KAZN: variants seen among roughly 807,000 people sequenced by gnomAD.
The protein encoded by KAZN is kazrin, periplakin interacting protein.
In KAZN, 40 loss-of-function variants were observed where a neutral mutation model predicts 87.4. The observed-to-expected ratio is 0.46, with a 90% CI of 0.36 to 0.60. KAZN has a LOEUF of 0.60. Ranked by LOEUF, KAZN falls within the 20% of genes least tolerant of loss-of-function variation. KAZN has a pLI of 0.00. For synonymous variants in KAZN, 466 were observed against 458.3 expected (o/e 1.02, Z -0.22); for missense variants, 898 against 1,073.9 (o/e 0.84, Z 2.29).
intron 1 of KAZN, among the ~76,000 whole-genome samples, chr1:14,174,827 A>T (rs1646033897): frequency 1.3e-5 from 2 of 152,170 alleles, no homozygotes; most frequent in African/African-American, 4.8e-5. Context: ...TGCTTTATAC[A>T]ATCTGTCTCT....
chr1:13,897,144 C>G (rs535837162), intron 1 of KAZN, among the ~76,000 whole-genome samples: 2 of 152,234 alleles, frequency 1.3e-5, no homozygotes, highest in East Asian at 3.9e-4. Flanking sequence ...TATTGGCACA[C>G]AGCCATGCCC....
chr1:14,099,930 C>A (rs1244196272), intron 1 of KAZN, among the ~76,000 whole-genome samples: 1 of 152,172 alleles, frequency 6.6e-6, no homozygotes, highest in Non-Finnish European at 1.5e-5. Flanking sequence ...TCTTACCTTT[C>A]TCCTTCCCTC....
intron 2 of KAZN, among the ~76,000 whole-genome samples, chr1:14,499,492 GGCGCCAGGATTGT>G (rs1480793710): frequency 6.6e-6 from 1 of 152,158 alleles, no homozygotes; most frequent in Non-Finnish European, 1.5e-5. Flanking sequence ...GCTGGCTGTG[GGCGCCAGGATTGT>G]GCAAAAGGGA....
rs567504844 is a variant in KAZN at position 14,182,961 on chromosome 1, C to A, written c.249+2369C>A. On this transcript the variant is annotated intron_variant, in intron 2 of 16. Coordinates refer to the KAZN transcript ENST00000636203. ...GCCTTTCAAGGGTAGTAACCACATCCTTGAACTTGGTTGGTATAATAGCCC... is the reference window on the plus strand; with the variant it reads ...GCCTTTCAAGGGTAGTAACCACATCATTGAACTTGGTTGGTATAATAGCCC... Among the ~76,000 whole-genome samples, 6 of 152,204 alleles carry A rather than the reference C, an allele frequency of 3.9e-5. No homozygotes were observed. In the South Asian group the frequency reaches 6.2e-4, roughly 16 times the overall value.
chr1:14,580,263 G>A (rs1366533360), intron 2 of KAZN, among the ~76,000 whole-genome samples: 1 of 152,144 alleles, frequency 6.6e-6, no homozygotes. Flanking sequence ...ATCACCTGAG[G>A]TTGGGAGTTC....
chr1:14,679,884 A>T (rs1640467221), intron 1 of KAZN, among the ~76,000 whole-genome samples: 1 of 152,060 alleles, frequency 6.6e-6, no homozygotes, highest in African/African-American at 2.4e-5. Context: ...ATAATAAGTG[A>T]GGAGTGATTT....
At chr1:14,863,346 C>A (rs907392434) in intron 1 of KAZN, among the ~76,000 whole-genome samples, 23 of 152,292 alleles carry the variant, frequency 1.5e-4, no homozygotes, top group Admixed American at 1.4e-3. Context: ...GGGCAGCAGA[C>A]ACTCTGTCCC....
In KAZN at chr1:15,024,384, G is replaced by A. The variant is rs771358722; in HGVS notation, c.419-10365G>A. Among the ~76,000 whole-genome samples, 15 of 152,202 alleles carry A rather than the reference G, an allele frequency of 9.9e-5. No homozygotes were observed. In the East Asian group the frequency reaches 2.5e-3, roughly 25 times the overall value. On this transcript the variant is annotated intron_variant, in intron 2 of 14. Transcript: ENST00000376030. ...AGGATGGTGGGAAGGAAATGGAGACGGTGATACGGTCAACCCTTTTGAACA... is the reference window on the plus strand; with the variant it reads ...AGGATGGTGGGAAGGAAATGGAGACAGTGATACGGTCAACCCTTTTGAACA...
At chr1:14,382,172 C>CA (rs571958266) in intron 2 of KAZN, among the ~76,000 whole-genome samples, 4 of 151,516 alleles carry the variant, frequency 2.6e-5, no homozygotes, top group East Asian at 1.9e-4. Context: ...AAGAAGACAC[C>CA]AAAAAAAAGA....
intron 1 of KAZN, among the ~76,000 whole-genome samples, chr1:13,975,856 A>C (rs1401670773): frequency 1.3e-5 from 2 of 152,242 alleles, no homozygotes. Flanking sequence ...GAGTACACGC[A>C]TAGTAAACCC....
At chr1:14,788,775 C>T (rs563758165) in intron 1 of KAZN, among the ~76,000 whole-genome samples, 4 of 151,932 alleles carry the variant, frequency 2.6e-5, no homozygotes, top group Admixed American at 2.6e-4. Context: ...TGTGGGAGGT[C>T]ACCACTTGTA....
At chr1:14,038,594 G>A (rs763578692) in intron 1 of KAZN, among the ~76,000 whole-genome samples, 2 of 152,160 alleles carry the variant, frequency 1.3e-5, no homozygotes, top group East Asian at 3.9e-4. Flanking sequence ...GATGCTGGGA[G>A]CTGAGCGACA....
At chr1:14,953,187 G>A (rs1370727819) in intron 1 of KAZN, among the ~76,000 whole-genome samples, 2 of 152,370 alleles carry the variant, frequency 1.3e-5, no homozygotes, top group South Asian at 4.1e-4. Context: ...TTCTCCAGGG[G>A]CTGTGTGGGG....
intron 1 of KAZN, among the ~76,000 whole-genome samples, chr1:13,982,817 T>G (rs1638802440): frequency 6.6e-6 from 1 of 151,782 alleles, no homozygotes; most frequent in Non-Finnish European, 1.5e-5. Flanking sequence ...AGACACAGGG[T>G]GCTGATTGGT....
chr1:13,972,933 T>C (rs1642188180), intron 1 of KAZN, among the ~76,000 whole-genome samples: 1 of 152,226 alleles, frequency 6.6e-6, no homozygotes, highest in Admixed American at 6.5e-5. Context: ...AGGACCCTTA[T>C]ATAATGCAAT....
intron 1 of KAZN, among the ~76,000 whole-genome samples, chr1:14,727,450 CTTTTTTTTTTTTTTTTTTTTTTTTTTT>C (rs57203868): frequency 4.5e-4 from 33 of 73,920 alleles, no homozygotes; most frequent in Middle Eastern, 0.015. Context: ...TGTGCACTTT[CTTTTTTTTTTTTTTTTTTTTTTTTTTT>C]TTTTTTTTTT....
At chr1:14,538,869 C>T (rs949181793) in intron 2 of KAZN, among the ~76,000 whole-genome samples, 6 of 152,180 alleles carry the variant, frequency 3.9e-5, no homozygotes, top group African/African-American at 1.4e-4. Flanking sequence ...GCATCCACCA[C>T]CATTCACAGG....
chr1:14,459,714 G>T (rs1170779588), intron 2 of KAZN, among the ~76,000 whole-genome samples: 9 of 152,110 alleles, frequency 5.9e-5, no homozygotes, highest in Non-Finnish European at 2.9e-5. Context: ...GGAAGAACTG[G>T]AATGTTCTAA....
intron 2 of KAZN, among the ~76,000 whole-genome samples, chr1:14,274,564 G>A (rs529994148): frequency 2.6e-4 from 39 of 152,144 alleles, no homozygotes; most frequent in Admixed American, 2.6e-3. Flanking sequence ...CTTGAGGCTT[G>A]GGAATTTTAC....
Sources: allele counts gnomAD v4.1 joint callset (sites outside exome capture counted in the v4.1 genomes callset), GRCh38; gene constraint gnomAD v4.1.1; transcripts MANE v1.5; gene names NCBI Gene and HGNC (gene_info 2026-07-23, HGNC 2026-07-21).